The following CCSER1 variants were observed in gnomAD, a reference collection of about 807,000 sequenced individuals.
CCSER1 encodes the protein serine-rich coiled-coil domain-containing protein 1.
CCSER1 carries 41 observed loss-of-function variants against 82.0 expected under a neutral mutation model. That is an observed-to-expected ratio of 0.50 (90% confidence interval 0.39 to 0.65). CCSER1 has a LOEUF of 0.65. Ranked by LOEUF, CCSER1 falls within the 30% of genes least tolerant of loss-of-function variation. The pLI, the probability that CCSER1 is intolerant of heterozygous loss-of-function variation, is 0.00. For synonymous variants in CCSER1, 414 were observed against 383.9 expected (o/e 1.08, Z -0.92); for missense variants, 1,119 against 1,064.2 (o/e 1.05, Z -0.72).
intron 10 of CCSER1, among the ~76,000 whole-genome samples, chr4:91,417,056 G>A (rs1275718487): frequency 6.6e-6 from 1 of 151,846 alleles, no homozygotes; most frequent in African/African-American, 2.4e-5. Context: ...GACATAAATG[G>A]ACACTTCTCA....
chr4:91,319,724 G>T, intron 10 of CCSER1: 1 of 455,534 alleles, frequency 2.2e-6, no homozygotes, highest in Non-Finnish European at 4.4e-6. Context: ...GGTTTCTATA[G>T]CACTGGGAGG....
intron 10 of CCSER1, among the ~76,000 whole-genome samples, chr4:91,395,892 C>A (rs771449100): frequency 1.3e-5 from 2 of 152,106 alleles, no homozygotes; most frequent in Non-Finnish European, 2.9e-5. Context: ...TTCATAGAAA[C>A]TAAGCTTTTG....
intron 6 of CCSER1, among the ~76,000 whole-genome samples, chr4:90,667,719 C>T (rs1812227): frequency 0.46 from 69,693 of 151,850 alleles, 16,390 homozygotes; most frequent in Middle Eastern, 0.59. Context: ...ATATGTGCCA[C>T]GTTTTCTTTA....
At chr4:90,659,283 G>A (rs1332470043) in intron 6 of CCSER1, among the ~76,000 whole-genome samples, 1 of 152,056 alleles carries the variant, frequency 6.6e-6, no homozygotes, top group East Asian at 1.9e-4. Context: ...TTTCATGCTT[G>A]CCCTAGTGTT....
At chr4:90,600,146 G>A (rs1310509095) in intron 5 of CCSER1, among the ~76,000 whole-genome samples, 1 of 152,132 alleles carries the variant, frequency 6.6e-6, no homozygotes, top group African/African-American at 2.4e-5. Flanking sequence ...ACAGTTTGAG[G>A]TTACTGAAAA....
intron 8 of CCSER1, among the ~76,000 whole-genome samples, chr4:90,858,323 G>A (rs750798397): frequency 1.3e-5 from 2 of 151,940 alleles, no homozygotes; most frequent in Non-Finnish European, 2.9e-5. Context: ...ATCACAAATC[G>A]CTTAAGTAAA....
chr4:91,164,844 A>G (rs963419998), intron 10 of CCSER1, among the ~76,000 whole-genome samples: 2 of 152,068 alleles, frequency 1.3e-5, no homozygotes, highest in Non-Finnish European at 2.9e-5. Flanking sequence ...ATTATTTTCA[A>G]TGTTTTTAGC....
intron 6 of CCSER1, chr4:90,693,391 A>G (rs1348457393): frequency 5.3e-5 from 8 of 152,002 alleles, no homozygotes; most frequent in Non-Finnish European, 4.4e-5. Context: ...CTTCCCAGCT[A>G]CAAGTTAGAG....
chr4:90,611,023 G>A lies in CCSER1; in HGVS notation c.1725-17002G>A, dbSNP rs560046043. Reference sequence around the variant, plus strand: ...CTCCTGAGTAGCTGGGTTTACAGGCGCCCGCCACCATGCCTGGCTAATTTT... The same window carrying A: ...CTCCTGAGTAGCTGGGTTTACAGGCACCCGCCACCATGCCTGGCTAATTTT... On this transcript the variant is annotated intron_variant, in intron 5 of 10. Transcript: ENST00000509176. Among the ~76,000 whole-genome samples the A allele has an allele frequency of 2.6e-4, 39 of 147,456 alleles. No homozygotes were observed. In the South Asian group the frequency reaches 5.2e-3, roughly 20 times the overall value.
At chr4:91,417,521 A>T (rs1753438660) in intron 10 of CCSER1, among the ~76,000 whole-genome samples, 1 of 152,164 alleles carries the variant, frequency 6.6e-6, no homozygotes, top group Non-Finnish European at 1.5e-5. Flanking sequence ...ATAAAAAGGA[A>T]TGAGATCCTG....
At chr4:90,790,834 C>G (rs922477367) in intron 7 of CCSER1, among the ~76,000 whole-genome samples, 23 of 152,182 alleles carry the variant, frequency 1.5e-4, no homozygotes. Flanking sequence ...TTCCTGTCTT[C>G]TTCTGAGGCC....
chr4:91,592,770 G>A (rs1764325701), intron 10 of CCSER1, among the ~76,000 whole-genome samples: 3 of 151,884 alleles, frequency 2.0e-5, no homozygotes. Flanking sequence ...TGGCTATTGG[G>A]GGATTGTTTC....
At chr4:91,097,327 T>C (rs1724608620) in intron 10 of CCSER1, among the ~76,000 whole-genome samples, 1 of 134,644 alleles carries the variant, frequency 7.4e-6, no homozygotes, top group Non-Finnish European at 1.7e-5. Context: ...AACTTTTGGA[T>C]TAAGGCTGTT....
intron 9 of CCSER1, among the ~76,000 whole-genome samples, chr4:91,001,106 G>A (rs1459790953): frequency 6.6e-6 from 1 of 151,976 alleles, no homozygotes; most frequent in East Asian, 1.9e-4. Context: ...TTATCGAGGG[G>A]CTTTAACATG....
At chr4:90,409,917 A>C (rs1292922060) in intron 4 of CCSER1, among the ~76,000 whole-genome samples, 1 of 152,164 alleles carries the variant, frequency 6.6e-6, no homozygotes, top group African/African-American at 2.4e-5. Context: ...ATAGGCTCAA[A>C]ATAAAGGGAT....
intron 10 of CCSER1, among the ~76,000 whole-genome samples, chr4:91,592,397 C>T (rs1292754456): frequency 3.3e-5 from 5 of 152,152 alleles, no homozygotes; most frequent in Admixed American, 2.6e-4. Flanking sequence ...GCTGGGGACA[C>T]AGACAAACCA....
intron 4 of CCSER1, among the ~76,000 whole-genome samples, chr4:90,430,586 A>G (rs1442605500): frequency 1.3e-5 from 2 of 151,904 alleles, no homozygotes; most frequent in African/African-American, 4.8e-5. Context: ...TTTAGCAGCC[A>G]CACTGGTTAA....
At chr4:90,290,913 C>T (rs566182662) in intron 1 of CCSER1, among the ~76,000 whole-genome samples, 2 of 150,672 alleles carry the variant, frequency 1.3e-5, no homozygotes, top group Admixed American at 1.3e-4. Context: ...GGATATCTTT[C>T]TTGTGCATTC....
chr4:90,355,319 GAAAA>G (rs1313781326), intron 3 of CCSER1, among the ~76,000 whole-genome samples: 4 of 151,872 alleles, frequency 2.6e-5, no homozygotes, highest in Non-Finnish European at 4.4e-5. Flanking sequence ...AGAAAAGAAA[GAAAA>G]AGAAAGAAAG....
Sources: gnomAD v4.1 joint callset for allele counts (sites outside exome capture counted in the v4.1 genomes callset) on GRCh38, gnomAD v4.1.1 for gene constraint, MANE v1.5 for transcripts, NCBI Gene and HGNC (gene_info 2026-07-23, HGNC 2026-07-21) for gene names.